Variants in ARHGEF12 observed in about 807,000 individuals in gnomAD.
ARHGEF12 encodes the protein Rho guanine nucleotide exchange factor 12.
ARHGEF12 carries 66 observed loss-of-function variants against 211.2 expected under a neutral mutation model. The observed-to-expected ratio is 0.31, with a 90% confidence interval of 0.26 to 0.38. The LOEUF is 0.38. ARHGEF12 is among the 10% of genes least tolerant of loss of function. The pLI, the probability that ARHGEF12 is intolerant of heterozygous loss-of-function variation, is 1.00. For synonymous variants in ARHGEF12, 592 were observed against 638.4 expected (o/e 0.93, Z 1.09); for missense variants, 1,429 against 1,869.5 (o/e 0.76, Z 4.34).
chr11:120,467,431 TTC>T (rs372951968), intron 29 of ARHGEF12, 123 bp downstream of exon 29: 26 of 542,062 alleles, frequency 4.8e-5, no homozygotes, highest in South Asian at 9.2e-5. Context: ...TGACAAGATT[TTC>T]TTTTTTTTTT....
At chr11:120,415,289 C>A (rs906946610) in intron 4 of ARHGEF12, among the ~76,000 whole-genome samples, 2 of 151,986 alleles carry the variant, frequency 1.3e-5, no homozygotes, top group African/African-American at 4.8e-5. Flanking sequence ...TTTTCTGATT[C>A]TTAAACATTG....
rs1175598503 is a variant in ARHGEF12, at chr11:120,421,429, G to GTTTT, written c.299-365_299-362dup. 1.6e-3 allele frequency among the ~76,000 whole-genome samples: 128 copies of GTTTT among 79,870 alleles called. 19 individuals are homozygous for GTTTT. The highest frequency in any genetic ancestry group is 7.1e-3 in the East Asian group (15 of 2,100). 52.4% of individuals were successfully genotyped at this position (79,870 alleles called of 152,430 possible). A position where few individuals can be genotyped will look rare whatever the true frequency, so the allele number is the denominator to read the frequency against. On this transcript the variant is annotated intron_variant, in intron 5 of 40. Transcript: ENST00000397843. ...ATGTAAAGTCTGACTTTACAGCCTT[G>GTTTT]TTTTTTTTTTTTGTTTTTTTTTTTT...
At chr11:120,470,013 G>A (rs1344781919) in intron 30 of ARHGEF12, among the ~76,000 whole-genome samples, 2 of 152,190 alleles carry the variant, frequency 1.3e-5, no homozygotes, top group Admixed American at 1.3e-4. Flanking sequence ...TGGTCTGTTG[G>A]AAGAATTGAA....
At chr11:120,435,600 C>T (rs887791278) in intron 11 of ARHGEF12, among the ~76,000 whole-genome samples, 3 of 150,976 alleles carry the variant, frequency 2.0e-5, no homozygotes, top group Admixed American at 6.6e-5. Flanking sequence ...CTGCAACCTC[C>T]GCCTCCCGGG....
At position 120,488,192 on chromosome 11, in the gene ARHGEF12, T is replaced by G. The variant is rs1437526059; in HGVS notation, c.*3115T>G. ...GAATTGTCTTTTACTGGCATCTTTGTTTTCCTCTTTGATGTTAGTAAATTT... is the reference window on the plus strand; with the variant it reads ...GAATTGTCTTTTACTGGCATCTTTGGTTTCCTCTTTGATGTTAGTAAATTT... On this transcript the variant is annotated 3_prime_UTR_variant, in exon 41 of 41. Coordinates refer to ENST00000397843, the MANE Select transcript of ARHGEF12 (RefSeq NM_015313.3). 4.6e-6 allele frequency: 1 copy of G among 215,866 alleles called. No individual in the cohort carries two copies. Among genetic ancestry groups the G allele is most frequent in the Non-Finnish European group, 9.3e-6 (1 of 107,182 alleles). 13.4% of individuals were successfully genotyped at this position (215,866 alleles called of 1,614,324 possible).
chr11:120,374,645 C>A (rs958830701), intron 1 of ARHGEF12, among the ~76,000 whole-genome samples: 2 of 152,156 alleles, frequency 1.3e-5, no homozygotes, highest in Non-Finnish European at 2.9e-5. Flanking sequence ...TACAAGTTAA[C>A]TTCCAGTATG....
At chr11:120,393,739 G>A (rs1054821674) in intron 1 of ARHGEF12, among the ~76,000 whole-genome samples, 9 of 152,106 alleles carry the variant, frequency 5.9e-5, no homozygotes, top group African/African-American at 1.2e-4. Context: ...TTCAGTATCC[G>A]TTTTTCAGTA....
intron 1 of ARHGEF12, among the ~76,000 whole-genome samples, chr11:120,351,243 C>T (rs1437397053): frequency 7.3e-6 from 1 of 137,010 alleles, no homozygotes; most frequent in Non-Finnish European, 1.5e-5. Flanking sequence ...CCCAGCTACT[C>T]GGGAGACTGA....
intron 5 of ARHGEF12, among the ~76,000 whole-genome samples, chr11:120,421,185 T>C (rs1178031099): frequency 6.6e-6 from 1 of 152,236 alleles, no homozygotes; most frequent in Non-Finnish European, 1.5e-5. Context: ...AAGAGATAGC[T>C]ATGGCTTCAG....
At chr11:120,351,405 A>G (rs1942939506) in intron 1 of ARHGEF12, among the ~76,000 whole-genome samples, 1 of 111,750 alleles carries the variant, frequency 8.9e-6, no homozygotes, top group African/African-American at 3.2e-5. Context: ...GATGTAGGAA[A>G]GGAATATATA....
chr11:120,479,013 ACTTTCTT>A (rs980293129), intron 37 of ARHGEF12, among the ~76,000 whole-genome samples: 4 of 152,186 alleles, frequency 2.6e-5, no homozygotes, highest in Non-Finnish European at 5.9e-5. Context: ...CTTCCATTGT[ACTTTCTT>A]TTTTCTTTCT....
chr11:120,396,331 T>C (rs1391531363), intron 1 of ARHGEF12, among the ~76,000 whole-genome samples: 1 of 152,218 alleles, frequency 6.6e-6, no homozygotes, highest in African/African-American at 2.4e-5. Context: ...GAGATGGAGC[T>C]TAATCCTCTC....
intron 30 of ARHGEF12, 147 bp downstream of exon 30, chr11:120,469,535 A>G: frequency 1.5e-6 from 1 of 688,996 alleles, no homozygotes; most frequent in Non-Finnish European, 2.4e-6. Flanking sequence ...TAGGCAGGTC[A>G]AGATCAATCT....
At chr11:120,479,651 G>C (rs564288516) in intron 37 of ARHGEF12, among the ~76,000 whole-genome samples, 45 of 152,240 alleles carry the variant, frequency 3.0e-4, no homozygotes, top group Non-Finnish European at 5.4e-4. Flanking sequence ...AAAAATAGAG[G>C]CATGATATTG....
Position 120,465,379 on chromosome 11 carries a change from A to G in ARHGEF12, c.2739+17A>G, listed in dbSNP as rs750478857. The G allele has an allele frequency of 6.2e-7, 1 of 1,612,712 alleles. No homozygotes were observed. The highest frequency in any genetic ancestry group is 1.7e-5 in the Admixed American group (1 of 59,776). ...TTTGTGCAAGTGAGTTGAGTGAGTC[A>G]TGTAAGAAAAAAAATAAGGCAAGTT... On this transcript the variant is annotated intron_variant, in intron 28 of 40. Coordinates refer to ENST00000397843, the MANE Select transcript of ARHGEF12 (RefSeq NM_015313.3).
At chr11:120,440,418 A>G (rs1945835322) in intron 13 of ARHGEF12, among the ~76,000 whole-genome samples, 197 bp downstream of exon 13, 1 of 152,150 alleles carries the variant, frequency 6.6e-6, no homozygotes, top group African/African-American at 2.4e-5. Context: ...AAAGCCAGTG[A>G]GAGATCATTA....
chr11:120,399,881 G>T (rs1944508270), intron 1 of ARHGEF12, among the ~76,000 whole-genome samples: 1 of 151,678 alleles, frequency 6.6e-6, no homozygotes, highest in Non-Finnish European at 1.5e-5. Flanking sequence ...TTAAATCATA[G>T]AATGCTCTAT....
intron 1 of ARHGEF12, among the ~76,000 whole-genome samples, chr11:120,344,545 C>A (rs146842235): frequency 1.8e-4 from 27 of 152,220 alleles, no homozygotes; most frequent in African/African-American, 6.3e-4. Flanking sequence ...GGAAGTGGTT[C>A]TTGTGGGTGA....
chr11:120,465,978 AC>A, intron 28 of ARHGEF12, among the ~76,000 whole-genome samples: 1 of 152,334 alleles, frequency 6.6e-6, no homozygotes, highest in Non-Finnish European at 1.5e-5. Context: ...CCAGGGAAAA[AC>A]GTAACAGCAG....
Sources: allele counts gnomAD v4.1 joint callset (sites outside exome capture counted in the v4.1 genomes callset), GRCh38; gene constraint gnomAD v4.1.1; transcripts MANE v1.5; gene names NCBI Gene and HGNC (gene_info 2026-07-23, HGNC 2026-07-21).